PRR5: variants seen among roughly 807,000 people sequenced by gnomAD.
PRR5 encodes proline rich 5, also known as proline-rich protein 5.
PRR5 carries 25 observed loss-of-function variants against 30.6 expected under a neutral mutation model. The observed-to-expected ratio is 0.82, with a 90% CI of 0.60 to 1.14. PRR5 has a LOEUF of 1.14. PRR5 is among the 50% of genes most tolerant of loss of function. The probability of loss-of-function intolerance (pLI) is 0.00; values close to 1 mark genes in which losing one functional copy is unlikely to be tolerated. For missense variants in PRR5, 600 were observed against 547.1 expected (o/e 1.10, Z -0.96); for synonymous variants, 286 against 247.1 (o/e 1.16, Z -1.48).
intron 1 of PRR5, among the ~76,000 whole-genome samples, chr22:44,694,146 A>G (rs983484512): frequency 2.6e-5 from 4 of 152,182 alleles, no homozygotes; most frequent in African/African-American, 9.7e-5. Flanking sequence ...CCAGCACGTC[A>G]TTGTCAGAAC....
chr22:44,674,539 G>A (rs933618286), upstream of PRR5, among the ~76,000 whole-genome samples: 5 of 151,990 alleles, frequency 3.3e-5, no homozygotes, highest in East Asian at 7.8e-4. Flanking sequence ...TGGCTAACAC[G>A]GTGAAACCCC....
intron 7 of PRR5, among the ~76,000 whole-genome samples, chr22:44,735,893 T>C (rs1341923640): frequency 6.6e-6 from 1 of 152,192 alleles, no homozygotes; most frequent in Admixed American, 6.5e-5. Context: ...GGCAGTGCCC[T>C]GGCTGCTGGA....
rs11703896 is a variant in PRR5 at position 44,691,363 on chromosome 22, G to A, written c.-10-11129G>A. 0.19 allele frequency among the ~76,000 whole-genome samples: 28,374 copies of A among 152,114 alleles called. 3,652 individuals carry two copies. Among genetic ancestry groups the A allele is most frequent in the African/African-American group, 0.37 (15,434 of 41,460 alleles). ...ACGGAGAGGAGGCTACCCAGCTGGAGGGGTTGTGGTGGGGAGGCCGTGGCC... is the reference window on the plus strand; with the variant it reads ...ACGGAGAGGAGGCTACCCAGCTGGAAGGGTTGTGGTGGGGAGGCCGTGGCC... On this transcript the variant is annotated intron_variant, in intron 1 of 8. Coordinates refer to the PRR5 transcript ENST00000006251. This position sits in a 1 kb window ranked among gnomAD's most constrained non-coding sequence, Gnocchi z 4.4.
intron 4 of PRR5, among the ~76,000 whole-genome samples, chr22:44,728,359 A>G (rs1222773261): frequency 3.3e-5 from 5 of 152,164 alleles, no homozygotes; most frequent in Admixed American, 2.6e-4. Context: ...TGTCCACTTG[A>G]GTGTTCTCTA....
intron 1 of PRR5, among the ~76,000 whole-genome samples, chr22:44,671,652 T>C (rs1923433429): frequency 1.3e-5 from 2 of 152,322 alleles, no homozygotes; most frequent in South Asian, 2.1e-4. Flanking sequence ...CTAAGCTCCC[T>C]GAGCTTCAGT....
chr22:44,675,762 G>GTTATTATTATTATCATTATTA (rs1555894617), upstream of PRR5, among the ~76,000 whole-genome samples: 34 of 142,964 alleles, frequency 2.4e-4, no homozygotes, highest in African/African-American at 7.9e-4. Flanking sequence ...TGTTGCTGTT[G>GTTATTATTATTATCATTATTA]TTATTATTAT....
intron 1 of PRR5, among the ~76,000 whole-genome samples, chr22:44,707,407 G>T (rs1247556673): frequency 6.6e-6 from 1 of 152,210 alleles, no homozygotes; most frequent in South Asian, 2.1e-4. Context: ...AGGGTGCCCT[G>T]CTTGGAGGCT....
At chr22:44,733,968 T>C (rs1922713482) in intron 6 of PRR5, 2 of 152,254 alleles carry the variant, frequency 1.3e-5, no homozygotes, top group Admixed American at 1.3e-4. Flanking sequence ...GGCTGGATTG[T>C]CACTTACAAT....
intron 2 of PRR5, among the ~76,000 whole-genome samples, chr22:44,719,426 G>T (rs1247465575): frequency 6.6e-6 from 1 of 152,190 alleles, no homozygotes; most frequent in Non-Finnish European, 1.5e-5. Context: ...CCAGAGGGCT[G>T]CGGATTTAAG....
At chr22:44,714,036 C>G (rs1351602152) in intron 1 of PRR5, among the ~76,000 whole-genome samples, 2 of 152,180 alleles carry the variant, frequency 1.3e-5, no homozygotes, top group African/African-American at 4.8e-5. Context: ...ATCTCCTGAC[C>G]TTGTGGTCCA....
chr22:44,729,517 C>G, intron 4 of PRR5: 1 of 985,532 alleles, frequency 1.0e-6, no homozygotes, highest in Non-Finnish European at 1.2e-6. Context: ...GCAGCAAACG[C>G]CCAGTGCTGT....
upstream of PRR5, among the ~76,000 whole-genome samples, chr22:44,674,010 G>A (rs977092939): frequency 2.0e-5 from 3 of 152,136 alleles, no homozygotes; most frequent in Non-Finnish European, 2.9e-5. Flanking sequence ...TCTGGAGAAC[G>A]GGCTCTGATT....
chr22:44,716,512 A>G (rs754327742), intron 2 of PRR5, among the ~76,000 whole-genome samples: 3 of 152,058 alleles, frequency 2.0e-5, no homozygotes, highest in Admixed American at 6.6e-5. Flanking sequence ...TTCTCTATTA[A>G]TATGTGTTAA....
At position 44,729,543 on chromosome 22, in the gene PRR5, G is replaced by A. The variant is rs1921530639; in HGVS notation, c.323-2187G>A. ...CCAGTGCTGTTTCATCTCAGCTTTC[G>A]ACCTGCCCACGTGGGGACGTGTATC... On this transcript the variant is annotated intron_variant, in intron 4 of 7. Transcript: ENST00000336985. 8 of 985,392 alleles carry A rather than the reference G, an allele frequency of 8.1e-6. No homozygotes were observed. In the South Asian group the frequency reaches 1.4e-4, roughly 17 times the overall value. The allele number at this position is 985,392 out of a possible 1,614,324, so 61.0% of individuals were successfully genotyped here. A position where few individuals can be genotyped will look rare whatever the true frequency, so the allele number is the denominator to read the frequency against.
chr22:44,685,616 A>ACCCCTCTCGCCAGTGAAAGCCACC (rs1924678222), intron 1 of PRR5, among the ~76,000 whole-genome samples: 1 of 151,438 alleles, frequency 6.6e-6, no homozygotes, highest in Admixed American at 6.6e-5. Flanking sequence ...TGAAAGCCAC[A>ACCCCTCTCGCCAGTGAAAGCCACC]CCCCTCTCCC....
chr22:44,701,219 T>A (rs1926251736), upstream of PRR5, among the ~76,000 whole-genome samples: 1 of 152,152 alleles, frequency 6.6e-6, no homozygotes, highest in Non-Finnish European at 1.5e-5. Flanking sequence ...CCTGGAGCTG[T>A]GGCTGTCACC....
At chr22:44,735,377 T>C (rs1489890649) in intron 7 of PRR5, among the ~76,000 whole-genome samples, 1 of 152,180 alleles carries the variant, frequency 6.6e-6, no homozygotes, top group Non-Finnish European at 1.5e-5. Context: ...TGGCAACACC[T>C]TGGAGAGCTC....
chr22:44,727,193 C>G (rs111858343), intron 4 of PRR5, among the ~76,000 whole-genome samples: 1 of 152,170 alleles, frequency 6.6e-6, no homozygotes, highest in Non-Finnish European at 1.5e-5. Context: ...GTCTGCCTGA[C>G]TTTAGGGCAC....
At chr22:44,734,728 C>G (rs995753711) in intron 6 of PRR5, 1 of 447,274 alleles carries the variant, frequency 2.2e-6, no homozygotes, top group African/African-American at 2.0e-5. Flanking sequence ...GTACAGGGCC[C>G]CTCCGAGGGG....
Sources: allele counts gnomAD v4.1 joint callset (sites outside exome capture counted in the v4.1 genomes callset), GRCh38; gene constraint gnomAD v4.1.1; non-coding constraint Gnocchi (gnomAD v3.1); transcripts MANE v1.5; gene names NCBI Gene and HGNC (gene_info 2026-07-23, HGNC 2026-07-21).